Variants in PKD1L3 observed in about 807,000 individuals in gnomAD.
PKD1L3 encodes the protein polycystin 1 like 3, transient receptor potential channel interacting.
Under a neutral mutation model 184.1 loss-of-function variants are expected in PKD1L3, and 239 were observed. The observed-to-expected ratio is 1.30, with a 90% CI of 1.17 to 1.45. PKD1L3 has a LOEUF of 1.45. PKD1L3 is among the 40% of genes most tolerant of loss of function. The pLI, the probability that PKD1L3 is intolerant of heterozygous loss-of-function variation, is 0.00. For synonymous variants in PKD1L3, 996 were observed against 778.8 expected, an observed-to-expected ratio of 1.28 and a Z score of -4.64; for missense variants, 2,660 against 2,067.2, an observed-to-expected ratio of 1.29 and a Z score of -5.56.
chr16:71,955,908 G>A (rs1280984224), intron 16 of PKD1L3, among the ~76,000 whole-genome samples: 1 of 152,076 alleles, frequency 6.6e-6, no homozygotes, highest in Non-Finnish European at 1.5e-5. Flanking sequence ...GTCTCCTGAG[G>A]CCTCCCAAGC....
intron 26 of PKD1L3, among the ~76,000 whole-genome samples, chr16:71,935,140 A>G (rs1030234858): frequency 1.3e-4 from 20 of 152,246 alleles, no homozygotes; most frequent in African/African-American, 4.1e-4. Flanking sequence ...CACATACCTA[A>G]GCACTAATGA....
chr16:71,957,244 G>A lies in PKD1L3; in HGVS notation c.2613-2943C>T, dbSNP rs545954689. Among the ~76,000 whole-genome samples, 188 of 152,100 alleles carry A rather than the reference G, an allele frequency of 1.2e-3. 1 individual carries two copies. The highest frequency in any genetic ancestry group is 2.1e-3 in the Non-Finnish European group (142 of 68,006). On this transcript the variant is annotated intron_variant, in intron 16 of 29. Coordinates refer to ENST00000620267, the MANE Select transcript of PKD1L3 (RefSeq NM_181536.2). ...ATGCCAGTAGGTGTGGGTAACTGTT[G>A]AACCCCATTTGTGATGGTGATTAAA...
Position 71,982,067 on chromosome 16 carries a change from TA to T in PKD1L3, c.1134del (p.His378GlnfsTer5). The T allele has an allele frequency of 6.5e-7, 1 of 1,547,054 alleles. No individual in the cohort carries two copies. Among genetic ancestry groups the T allele is most frequent in the Non-Finnish European group, 8.7e-7 (1 of 1,145,016 alleles). Reference sequence around the variant, plus strand: ...GCATATCTGGCACCTACCGGCTCAGTATGACGCTTGGATTCCAGCCAACTTC... The same window carrying T: ...GCATATCTGGCACCTACCGGCTCAGTTGACGCTTGGATTCCAGCCAACTTC... ...GEGSWLESKR[H>X]TEPVEDILEM... On this transcript the variant is annotated frameshift_variant, in exon 7 of 30. Coordinates refer to ENST00000620267, the MANE Select transcript of PKD1L3 (RefSeq NM_181536.2). LOFTEE classifies it high-confidence loss of function.
At chr16:71,949,204 T>C (rs1264292513) in intron 21 of PKD1L3, among the ~76,000 whole-genome samples, 2 of 152,130 alleles carry the variant, frequency 1.3e-5, no homozygotes, top group African/African-American at 4.8e-5. Flanking sequence ...AAGTTTTTTG[T>C]TGTTTATTTT....
chr16:71,958,780 CAAAAAAAAA>C (rs547912125), intron 16 of PKD1L3, among the ~76,000 whole-genome samples: 81 of 65,112 alleles, frequency 1.2e-3, no homozygotes, highest in Non-Finnish European at 1.4e-3. Context: ...GACTCTATCT[CAAAAAAAAA>C]AAAAAAAAAA....
intron 16 of PKD1L3, among the ~76,000 whole-genome samples, chr16:71,956,756 A>G (rs1200904252): frequency 6.6e-6 from 1 of 152,218 alleles, no homozygotes; most frequent in Non-Finnish European, 1.5e-5. Context: ...AGCAGTATCA[A>G]TATATATACT....
In PKD1L3 at chr16:71,979,938, T is replaced by C. The variant is rs752559916; in HGVS notation, c.1272-26A>G. On this transcript the variant is annotated intron_variant, in intron 8 of 29. Transcript: ENST00000620267. ...CTAATGAGAAAAGTTAAAATGGAAG[T>C]CAATTTTTGTGTGTCCTCTGAAAGT... 2.8e-5 allele frequency: 44 copies of C among 1,550,184 alleles called. No individual in the cohort carries two copies. In the South Asian group the frequency reaches 5.0e-4, roughly 18 times the overall value.
At chr16:71,961,657 AAC>A (rs778971975) in intron 16 of PKD1L3, among the ~76,000 whole-genome samples, 2 of 152,074 alleles carry the variant, frequency 1.3e-5, no homozygotes, top group Non-Finnish European at 2.9e-5. Flanking sequence ...TTGGAAATCT[AAC>A]ACAGAGGAGC....
chr16:71,990,448 C>G, intron 3 of PKD1L3, 119 bp from the exon 4 acceptor site: 1 of 774,178 alleles, frequency 1.3e-6, no homozygotes, highest in Non-Finnish European at 2.0e-6. Flanking sequence ...CATAGAAAAC[C>G]AAGGCCGGAC....
intron 23 of PKD1L3, among the ~76,000 whole-genome samples, chr16:71,943,493 G>A (rs1270128950): frequency 3.1e-5 from 4 of 127,468 alleles, no homozygotes; most frequent in Non-Finnish European, 6.2e-5. Context: ...AGCTGACATT[G>A]CACCACTGCA....
chr16:71,977,380 T>G lies in PKD1L3; in HGVS notation c.1615A>C (p.Thr539Pro). 1 of 1,551,264 alleles carries G rather than the reference T, an allele frequency of 6.4e-7. No individual in the cohort carries two copies. The highest frequency in any genetic ancestry group is 8.7e-7 in the Non-Finnish European group (1 of 1,146,624). Residue 539 changes from threonine (T) to proline (P), a missense_variant, in exon 11 of 30, where the codon ACT becomes CCT. By Grantham distance (38) the Thr-to-Pro change is conservative. Coordinates refer to ENST00000620267, the MANE Select transcript of PKD1L3 (RefSeq NM_181536.2). ...ACTATCAAGGATTTCTCCAAGGAAG[T>G]GACGTTCACTGTGATTGTAAGCTGA... ...THQLTITVNV[T>P]SLEKSLIVSI...
intron 27 of PKD1L3, 48 bp downstream of exon 27, chr16:71,933,867 C>T (rs935494705): frequency 1.6e-5 from 25 of 1,534,744 alleles, no homozygotes; most frequent in Non-Finnish European, 2.1e-5. Flanking sequence ...GATGCGATTC[C>T]AAGACCACAG....
intron 15 of PKD1L3, among the ~76,000 whole-genome samples, chr16:71,964,154 C>T (rs575480981): frequency 6.6e-6 from 1 of 151,970 alleles, no homozygotes; most frequent in Non-Finnish European, 1.5e-5. Context: ...TAACTTCAGC[C>T]GTTCACACCC....
In PKD1L3 at chr16:71,933,439, C is replaced by T; in HGVS notation, c.4907G>A (p.Gly1636Glu). ...TTTTACCTCCTCTTGGTGAGAAATT[C>T]CCATCAGGAGACCAACAACAGTCAC... ...SAVTVVGLLM[G>E]ISHQEEVFAL... Residue 1636 changes from glycine (G) to glutamate (E), a missense_variant, in exon 28 of 30, where the codon GGA becomes GAA. By Grantham distance (98) the Gly-to-Glu change is moderately conservative (BLOSUM62 -2). Coordinates refer to ENST00000620267, the MANE Select transcript of PKD1L3 (RefSeq NM_181536.2). 1.3e-6 allele frequency: 2 copies of T among 1,547,592 alleles called. No homozygotes were observed. The highest frequency in any genetic ancestry group is 1.7e-6 in the Non-Finnish European group (2 of 1,143,342).
At chr16:71,992,746 C>A (rs563870898) in intron 3 of PKD1L3, among the ~76,000 whole-genome samples, 1 of 152,142 alleles carries the variant, frequency 6.6e-6, no homozygotes, top group Non-Finnish European at 1.5e-5. Flanking sequence ...TGAGGTCATA[C>A]CCCGAAGAGT....
At chr16:71,982,271 T>C (rs1228338170) in intron 6 of PKD1L3, 36 bp from the exon 7 acceptor site, 2 of 1,320,346 alleles carry the variant, frequency 1.5e-6, no homozygotes, top group East Asian at 5.5e-5. Context: ...CACCCTTGAA[T>C]TGTTTGCTTT....
chr16:71,993,150 T>C, intron 3 of PKD1L3, 66 bp downstream of exon 3: 2 of 1,134,406 alleles, frequency 1.8e-6, no homozygotes, highest in Non-Finnish European at 2.5e-6. Context: ...AATTCAGTCT[T>C]GTGCATTCTT....
intron 24 of PKD1L3, among the ~76,000 whole-genome samples, chr16:71,942,247 T>A (rs1275389264): frequency 6.6e-6 from 1 of 152,090 alleles, no homozygotes; most frequent in Non-Finnish European, 1.5e-5. Flanking sequence ...CAGGGAGAAC[T>A]GCTTGAACCC....
intron 3 of PKD1L3, 125 bp from the exon 4 acceptor site, chr16:71,990,454 C>G (rs912412543): frequency 2.8e-6 from 2 of 721,030 alleles, no homozygotes; most frequent in African/African-American, 3.7e-5. Flanking sequence ...AAACCAAGGC[C>G]GGACATGGTA....
Sources: allele counts gnomAD v4.1 joint callset (sites outside exome capture counted in the v4.1 genomes callset), GRCh38; gene constraint gnomAD v4.1.1; transcripts MANE v1.5; gene names NCBI Gene and HGNC (gene_info 2026-07-23, HGNC 2026-07-21).